Variants in KRT86 observed in about 807,000 individuals in gnomAD.
The protein encoded by KRT86 is keratin 86, also known as keratin, type II cuticular Hb6.
Under a neutral mutation model 41.2 loss-of-function variants are expected in KRT86, and 30 were observed. The ratio of observed to expected loss-of-function variants is 0.73; its 90% CI spans 0.54 to 0.99. KRT86 has a LOEUF of 0.99. Ranked by LOEUF, KRT86 falls within the 50% of genes least tolerant of loss-of-function variation. KRT86 has a pLI of 0.00. For missense variants in KRT86, 561 were observed against 571.4 expected (o/e 0.98, Z 0.19); for synonymous variants, 238 against 238.1 (o/e 1.00, Z 0.00).
chr12:52,277,049 T>C (rs1937649385), intron 2 of KRT86, among the ~76,000 whole-genome samples: 1 of 152,074 alleles, frequency 6.6e-6, no homozygotes. Context: ...GCTGTTCTGG[T>C]TCCCCAAGCA....
At chr12:52,301,578 G>A (rs979712842) in intron 2 of KRT86, among the ~76,000 whole-genome samples, 2 of 152,060 alleles carry the variant, frequency 1.3e-5, no homozygotes, top group Non-Finnish European at 2.9e-5. Flanking sequence ...CCACTCCTTC[G>A]TCCAACGTCA....
chr12:52,287,476 G>A (rs1937984996), intron 2 of KRT86: 14 of 1,594,364 alleles, frequency 8.8e-6, no homozygotes, highest in Non-Finnish European at 1.2e-5. Context: ...CACGACCAGG[G>A]ACTCTACATG....
chr12:52,287,069 G>A lies in KRT86; in HGVS notation c.-5+11123G>A, dbSNP rs200188584. The A allele has an allele frequency of 2.8e-5, 45 of 1,612,488 alleles. No individual in the cohort carries two copies. The East Asian group carries it at 7.4e-4, about 26-fold the overall frequency. Reference sequence around the variant, plus strand: ...GTAGGCTTGTGCCAGGGATGGGGAAGGGTGGTTCTGGGCCACCCTTGGTTG... The same window carrying A: ...GTAGGCTTGTGCCAGGGATGGGGAAAGGTGGTTCTGGGCCACCCTTGGTTG... On this transcript the variant is annotated intron_variant, in intron 2 of 10. Coordinates refer to ENST00000423955, the MANE Select transcript of KRT86 (RefSeq NM_001320198.2).
At chr12:52,286,859 G>A in intron 2 of KRT86, 1 of 1,611,638 alleles carries the variant, frequency 6.2e-7, no homozygotes, top group East Asian at 2.2e-5. Context: ...ATTAGTGACT[G>A]CCCCAGAGTG....
At chr12:52,298,127 T>C (rs1385143288) in intron 2 of KRT86, among the ~76,000 whole-genome samples, 2 of 152,226 alleles carry the variant, frequency 1.3e-5, no homozygotes, top group East Asian at 1.9e-4. Flanking sequence ...AGTAGTATGG[T>C]TACCCAAGGA....
intron 2 of KRT86, chr12:52,291,221 G>A (rs1436086457): frequency 1.4e-6 from 2 of 1,468,342 alleles, no homozygotes; most frequent in East Asian, 2.5e-5. Flanking sequence ...CTCGTTGACC[G>A]ACACGGTGGT....
At chr12:52,305,099 A>G (rs1938474879) in intron 6 of KRT86, 72 bp downstream of exon 6, 2 of 1,607,690 alleles carry the variant, frequency 1.2e-6, no homozygotes, top group East Asian at 4.5e-5. Flanking sequence ...AGTGTTGGAC[A>G]GGATGTGGGT....
In KRT86 at chr12:52,308,216, G is replaced by A; in HGVS notation, c.1248-17G>A. 6.2e-7 allele frequency: 1 copy of A among 1,614,128 alleles called. No homozygotes were observed. The highest frequency in any genetic ancestry group is 1.1e-5 in the South Asian group (1 of 91,088). ...GCCTTTTCCGCGGCACTGACCTCTCGCCTTCTCTCCCTGCAGGCTGTGCGA... is the reference window on the plus strand; with the variant it reads ...GCCTTTTCCGCGGCACTGACCTCTCACCTTCTCTCCCTGCAGGCTGTGCGA... On this transcript the variant is annotated splice_polypyrimidine_tract_variant and intron_variant, in intron 9 of 10. Transcript: ENST00000423955.
In KRT86 at chr12:52,305,386, G is replaced by A; in HGVS notation, c.882G>A (p.Glu294=). The stretch of plus-strand genomic sequence containing the variant: ...TCACCCGTAGCCGGGCTGAGGCCGA[G>A]TCCTGGTACCGCAGCAAGGTGAGTG... The part of the protein sequence containing the change: ...DIVTRSRAEA[E]SWYRSKCEEM... Residue 294 remains glutamate (E), a synonymous_variant, in exon 7 of 11, where the codon GAG becomes GAA. Coordinates refer to ENST00000423955, the MANE Select transcript of KRT86 (RefSeq NM_001320198.2). 6 of 1,614,250 alleles carry A rather than the reference G, an allele frequency of 3.7e-6. No homozygotes were observed. Among genetic ancestry groups the A allele is most frequent in the Middle Eastern group, 3.3e-4 (2 of 6,062 alleles).
At position 52,308,386 on chromosome 12, in the gene KRT86, C is replaced by T. The variant is rs771839740; in HGVS notation, c.1280-18C>T. On this transcript the variant is annotated intron_variant, in intron 10 of 10. Transcript: ENST00000423955. ...CGCGGCTGCGCCTGACGCGCGCCTCCGTCTCTTTCCCCTGCAGGCGTCAGC... is the reference window on the plus strand; with the variant it reads ...CGCGGCTGCGCCTGACGCGCGCCTCTGTCTCTTTCCCCTGCAGGCGTCAGC... The T allele has an allele frequency of 6.2e-7, 1 of 1,611,252 alleles. No homozygotes were observed. The highest frequency in any genetic ancestry group is 8.5e-7 in the Non-Finnish European group (1 of 1,179,304).
intron 3 of KRT86, among the ~76,000 whole-genome samples, chr12:52,302,873 A>C (rs1938417654): frequency 7.1e-6 from 1 of 140,762 alleles, no homozygotes; most frequent in African/African-American, 2.6e-5. Context: ...CCCAGGGAGC[A>C]GGCACTGACA....
intron 2 of KRT86, among the ~76,000 whole-genome samples, chr12:52,284,726 C>T (rs915033761): frequency 6.6e-6 from 1 of 152,182 alleles, no homozygotes; most frequent in African/African-American, 2.4e-5. Context: ...GGGTGGGGGA[C>T]TCCCATTTCT....
chr12:52,300,587 C>G (rs1363131367), intron 2 of KRT86, among the ~76,000 whole-genome samples: 1 of 152,184 alleles, frequency 6.6e-6, no homozygotes, highest in African/African-American at 2.4e-5. Context: ...TCCTACCCAG[C>G]CTTTGTGAGT....
rs1938406774 is a variant in KRT86 at position 52,302,294 on chromosome 12, C to A, written c.369+9C>A. On this transcript the variant is annotated intron_variant, in intron 3 of 10. Transcript: ENST00000423955. The stretch of plus-strand genomic sequence containing the variant: ...CGGCCTTCATCGACAAGGTGGGTGT[C>A]CTGGATCACACCCTTCCTGAACCCC... 1 of 632,866 alleles carries A rather than the reference C, an allele frequency of 1.6e-6. No homozygotes were observed. The highest frequency in any genetic ancestry group is 2.4e-6 in the Non-Finnish European group (1 of 411,270). The allele number at this position is 632,866 out of a possible 1,614,324, so 39.2% of individuals were successfully genotyped here.
At chr12:52,291,361 G>A in intron 2 of KRT86, 2 of 1,598,224 alleles carry the variant, frequency 1.3e-6, no homozygotes, top group Non-Finnish European at 1.7e-6. Flanking sequence ...GGTAGCAGGA[G>A]ATGCCACGGT....
chr12:52,291,339 C>A (rs756665762), intron 2 of KRT86: 5 of 1,569,220 alleles, frequency 3.2e-6, no homozygotes, highest in Non-Finnish European at 4.3e-6. Context: ...CCGAAGCCCC[C>A]GGTGAGGCCG....
At chr12:52,305,194 G>A in intron 6 of KRT86, 46 bp from the exon 7 acceptor site, 1 of 1,613,882 alleles carries the variant, frequency 6.2e-7, no homozygotes, top group African/African-American at 1.3e-5. Context: ...GACATGGTGG[G>A]TGGGGCTGTG....
At chr12:52,288,763 C>G (rs1938050625) in intron 2 of KRT86, among the ~76,000 whole-genome samples, 1 of 152,100 alleles carries the variant, frequency 6.6e-6, no homozygotes, top group Non-Finnish European at 1.5e-5. Context: ...ACACCCTGAC[C>G]CTTTCCTGTC....
rs185962300 is a variant in KRT86 at position 52,292,356 on chromosome 12, G to T, written c.-4-9557G>T. On this transcript the variant is annotated intron_variant, in intron 2 of 10. Transcript: ENST00000423955. Reference sequence around the variant, plus strand: ...CAGGAAAATTAACAATAATTCCAAAGCACCACTTACTATTCATCTCAGATT... The same window carrying T: ...CAGGAAAATTAACAATAATTCCAAATCACCACTTACTATTCATCTCAGATT... Among the ~76,000 whole-genome samples the T allele has an allele frequency of 6.6e-5, 10 of 152,290 alleles. No individual in the cohort carries two copies. The East Asian group carries it at 1.9e-3, about 29-fold the overall frequency.
Sources: gnomAD v4.1 joint callset for allele counts (sites outside exome capture counted in the v4.1 genomes callset) on GRCh38, gnomAD v4.1.1 for gene constraint, MANE v1.5 for transcripts, NCBI Gene and HGNC (gene_info 2026-07-23, HGNC 2026-07-21) for gene names.